The following CNTN4 variants were observed in gnomAD, a reference collection of about 807,000 sequenced individuals.
CNTN4 encodes the protein contactin 4.
A neutral mutation model predicts 122.5 loss-of-function variants in CNTN4; 77 were observed. The observed-to-expected ratio is 0.63, with a 90% CI of 0.52 to 0.76. CNTN4 has a LOEUF of 0.76. Among genes scored for constraint, CNTN4 ranks in the 30% least tolerant of loss-of-function variants. The pLI is 0.00. For missense variants in CNTN4, 1,256 were observed against 1,259.1 expected, an observed-to-expected ratio of 1.00 and a Z score of 0.04; for synonymous variants, 512 against 447.0, an observed-to-expected ratio of 1.15 and a Z score of -1.83.
intron 2 of CNTN4, among the ~76,000 whole-genome samples, chr3:2,266,889 C>T (rs968471233): frequency 1.3e-5 from 2 of 152,064 alleles, no homozygotes; most frequent in Admixed American, 6.6e-5. Context: ...TTCTTCAATA[C>T]TAAAACCAGT....
intron 3 of CNTN4, among the ~76,000 whole-genome samples, chr3:2,448,835 C>A (rs2048721926): frequency 6.6e-6 from 1 of 152,092 alleles, no homozygotes; most frequent in Admixed American, 6.6e-5. Context: ...GTTTGGTAGG[C>A]AGATTAAGTA....
At chr3:2,367,403 A>C (rs2045433524) in intron 3 of CNTN4, among the ~76,000 whole-genome samples, 1 of 152,230 alleles carries the variant, frequency 6.6e-6, no homozygotes, top group South Asian at 2.1e-4. Flanking sequence ...GAAACGAAAA[A>C]CACAAACCAC....
intron 2 of CNTN4, among the ~76,000 whole-genome samples, chr3:2,312,114 A>G (rs1203351191): frequency 6.6e-6 from 1 of 151,942 alleles, no homozygotes; most frequent in African/African-American, 2.4e-5. Flanking sequence ...GGAGTTCAAG[A>G]TCAGCCTGAG....
At chr3:2,622,525 C>A (rs2082029660) in intron 4 of CNTN4, among the ~76,000 whole-genome samples, 1 of 152,148 alleles carries the variant, frequency 6.6e-6, no homozygotes. Context: ...CAGCCCACCT[C>A]GGCCTCCCAG....
At chr3:2,827,828 C>A (rs932077305) in intron 7 of CNTN4, among the ~76,000 whole-genome samples, 4 of 152,098 alleles carry the variant, frequency 2.6e-5, no homozygotes, top group African/African-American at 7.2e-5. Context: ...GGATGCAGGA[C>A]TTTAAAAATA....
intron 2 of CNTN4, among the ~76,000 whole-genome samples, chr3:2,257,607 T>A (rs2040652285): frequency 6.6e-6 from 1 of 151,886 alleles, no homozygotes; most frequent in Non-Finnish European, 1.5e-5. Flanking sequence ...AGCAACCCCA[T>A]CAAAAAGTGG....
intron 4 of CNTN4, among the ~76,000 whole-genome samples, chr3:2,607,711 A>G (rs926498166): frequency 1.3e-5 from 2 of 151,600 alleles, no homozygotes; most frequent in African/African-American, 4.8e-5. Flanking sequence ...CAGGTAGAAG[A>G]GAGAAAGGAG....
At chr3:2,303,104 G>A (rs1324200884) in intron 2 of CNTN4, among the ~76,000 whole-genome samples, 2 of 152,244 alleles carry the variant, frequency 1.3e-5, no homozygotes, top group Admixed American at 6.5e-5. Flanking sequence ...TTCAGATAAG[G>A]TGCTGGCACT....
intron 2 of CNTN4, among the ~76,000 whole-genome samples, chr3:2,197,197 C>G (rs1455600560): frequency 6.6e-6 from 1 of 152,154 alleles, no homozygotes; most frequent in African/African-American, 2.4e-5. Flanking sequence ...TCTCTCTTCT[C>G]CATACTGGCC....
intron 3 of CNTN4, among the ~76,000 whole-genome samples, chr3:2,355,896 A>C (rs530892811): frequency 5.9e-5 from 9 of 152,332 alleles, no homozygotes; most frequent in African/African-American, 1.7e-4. Context: ...ATTGTAATCT[A>C]ATTCAAATTG....
chr3:2,752,678 C>T (rs2090152375), intron 6 of CNTN4, among the ~76,000 whole-genome samples: 1 of 152,110 alleles, frequency 6.6e-6, no homozygotes, highest in Non-Finnish European at 1.5e-5. Context: ...CTGTAGTCAC[C>T]CTGTGGTACT....
chr3:2,462,656 A>T (rs1197251231), intron 3 of CNTN4, among the ~76,000 whole-genome samples: 3 of 152,222 alleles, frequency 2.0e-5, no homozygotes, highest in South Asian at 4.1e-4. Flanking sequence ...AAAAAGAGGA[A>T]TAAAAATATT....
In CNTN4 at chr3:2,160,472, C is replaced by T. The variant is rs183669022; in HGVS notation, c.-145+59833C>T. Among the ~76,000 whole-genome samples the T allele has an allele frequency of 1.9e-3, 288 of 152,262 alleles. 4 individuals are homozygous for T. The highest frequency in any genetic ancestry group is 6.6e-3 in the African/African-American group (276 of 41,536). ...CAAGTCAAATAACTTTTCTGAGCCT[C>T]AGTTTCAAAAATTTTAAAATGAAGA... On this transcript the variant is annotated intron_variant, in intron 2 of 24. Transcript: ENST00000418658.
rs2079459245 is a variant in CNTN4, at chr3:2,572,323, T to C, written c.55+765T>C. On this transcript the variant is annotated intron_variant, in intron 4 of 24. Coordinates refer to ENST00000418658, the MANE Select transcript of CNTN4 (RefSeq NM_175607.3). ...ATTGCTTGAACCCAGAAGGCGAAGG[T>C]TGCAGTGAGCCGAGATCGCGCCATT... 1.3e-5 allele frequency among the ~76,000 whole-genome samples: 2 copies of C among 152,092 alleles called. 1 individual carries two copies. Among genetic ancestry groups the C allele is most frequent in the African/African-American group, 4.8e-5 (2 of 41,410 alleles).
chr3:2,983,921 C>T lies in CNTN4; in HGVS notation c.1359-4424C>T, dbSNP rs1694306982. Among the ~76,000 whole-genome samples the T allele has an allele frequency of 2.0e-5, 3 of 152,204 alleles. No homozygotes were observed. The South Asian group carries it at 6.2e-4, about 32-fold the overall frequency. On this transcript the variant is annotated intron_variant, in intron 13 of 24. Transcript: ENST00000418658. ...TGAAGACTACTGAAAATTACCCCTT[C>T]TACAAATGATCTCCCTCACTGTCTT...
At chr3:2,489,738 C>G (rs2076261306) in intron 3 of CNTN4, among the ~76,000 whole-genome samples, 1 of 152,074 alleles carries the variant, frequency 6.6e-6, no homozygotes, top group Non-Finnish European at 1.5e-5. Context: ...TAGAATAAGC[C>G]ACATATTTAG....
intron 6 of CNTN4, among the ~76,000 whole-genome samples, chr3:2,761,265 A>G (rs1253678374): frequency 6.6e-6 from 1 of 152,132 alleles, no homozygotes; most frequent in East Asian, 1.9e-4. Flanking sequence ...TGTACTTGCT[A>G]TTCCCTTTAT....
chr3:2,307,687 G>C (rs1306771677), intron 2 of CNTN4, among the ~76,000 whole-genome samples: 1 of 151,904 alleles, frequency 6.6e-6, no homozygotes, highest in East Asian at 1.9e-4. Flanking sequence ...TGTGGCTTTT[G>C]TTCTTTATTG....
At chr3:2,145,858 A>G (rs1470242108) in intron 2 of CNTN4, among the ~76,000 whole-genome samples, 1 of 152,076 alleles carries the variant, frequency 6.6e-6, no homozygotes, top group African/African-American at 2.4e-5. Context: ...TAGAAGGCTT[A>G]AGTAATTTGA....
Sources: gnomAD v4.1 joint callset for allele counts (sites outside exome capture counted in the v4.1 genomes callset) on GRCh38, gnomAD v4.1.1 for gene constraint, MANE v1.5 for transcripts, NCBI Gene and HGNC (gene_info 2026-07-23, HGNC 2026-07-21) for gene names.